MTSS1: variants seen among roughly 807,000 people sequenced by gnomAD.
MTSS1 encodes the protein protein MTSS 1.
MTSS1 carries 18 observed loss-of-function variants against 79.0 expected under a neutral mutation model. The ratio of observed to expected loss-of-function variants is 0.23; its 90% confidence interval spans 0.16 to 0.34. The LOEUF (loss-of-function observed/expected upper bound fraction) is 0.34. Among genes scored for constraint, MTSS1 ranks in the 10% least tolerant of loss-of-function variants. The pLI is 1.00. For missense variants in MTSS1, 815 were observed against 986.2 expected (o/e 0.83, Z 2.33); for synonymous variants, 341 against 368.6 (o/e 0.93, Z 0.86).
chr8:124,723,332 T>G (rs1196304735), intron 1 of MTSS1, among the ~76,000 whole-genome samples: 1 of 152,198 alleles, frequency 6.6e-6, no homozygotes, highest in East Asian at 1.9e-4. Context: ...AACTGGGCAA[T>G]GGCTGAACCA....
chr8:124,634,283 TTTGTTGTTGTTGTTG>T (rs1340783043), intron 3 of MTSS1, among the ~76,000 whole-genome samples: 2 of 150,702 alleles, frequency 1.3e-5, no homozygotes, highest in African/African-American at 4.9e-5. Flanking sequence ...CTAGTTTTTT[TTTGTTGTTGTTGTTG>T]TTTTGTAGTT....
intron 5 of MTSS1, 21 bp from the exon 6 acceptor site, chr8:124,585,182 G>A (rs768112780): frequency 6.3e-7 from 1 of 1,579,866 alleles, no homozygotes; most frequent in Non-Finnish European, 8.7e-7. Flanking sequence ...GCAGAATATG[G>A]AACAATTTTA....
At chr8:124,661,302 T>A (rs1821981037) in intron 3 of MTSS1, among the ~76,000 whole-genome samples, 1 of 151,842 alleles carries the variant, frequency 6.6e-6, no homozygotes, top group South Asian at 2.1e-4. Context: ...ATGTTAGACG[T>A]GTCCCTTTAT....
At chr8:124,671,773 A>T (rs1164476508) in intron 3 of MTSS1, among the ~76,000 whole-genome samples, 1 of 152,220 alleles carries the variant, frequency 6.6e-6, no homozygotes, top group Non-Finnish European at 1.5e-5. Flanking sequence ...TTAAGAACAC[A>T]GCATTCTGCC....
chr8:124,555,440 G>T (rs1823426285), intron 13 of MTSS1, among the ~76,000 whole-genome samples: 1 of 152,056 alleles, frequency 6.6e-6, no homozygotes, highest in Admixed American at 6.5e-5. Context: ...TAGAGATGGG[G>T]TTTCACCATG....
At chr8:124,691,795 C>T (rs919433254) in intron 3 of MTSS1, among the ~76,000 whole-genome samples, 4 of 152,094 alleles carry the variant, frequency 2.6e-5, no homozygotes, top group South Asian at 2.1e-4. Context: ...GGATTACAGG[C>T]GTGAGCCACC....
intron 3 of MTSS1, among the ~76,000 whole-genome samples, chr8:124,605,394 T>C (rs1834615714): frequency 6.6e-6 from 1 of 152,214 alleles, no homozygotes; most frequent in African/African-American, 2.4e-5. Context: ...GTCAGCCTTC[T>C]TGGGTTGTCA....
chr8:124,632,363 AT>A (rs1388374902), intron 3 of MTSS1, among the ~76,000 whole-genome samples: 4 of 150,960 alleles, frequency 2.6e-5, no homozygotes, highest in Non-Finnish European at 5.9e-5. Context: ...AAAAAATAAG[AT>A]GAGGCTGGGC....
chr8:124,573,837 G>T (rs1421636779), intron 6 of MTSS1, among the ~76,000 whole-genome samples: 1 of 152,112 alleles, frequency 6.6e-6, no homozygotes, highest in East Asian at 1.9e-4. Context: ...CAGGTCTTGT[G>T]TATTCACGCT....
chr8:124,634,170 T>G (rs1032260711), intron 3 of MTSS1, among the ~76,000 whole-genome samples: 1 of 151,686 alleles, frequency 6.6e-6, no homozygotes, highest in African/African-American at 2.4e-5. Context: ...GACAGTGATG[T>G]AATCATGGCT....
chr8:124,556,252 T>C lies in MTSS1; in HGVS notation c.1384A>G (p.Thr462Ala). 2 of 1,614,178 alleles carry C rather than the reference T, an allele frequency of 1.2e-6. No individual in the cohort carries two copies. Among genetic ancestry groups the C allele is most frequent in the Non-Finnish European group, 1.7e-6 (2 of 1,180,020 alleles). The stretch of plus-strand genomic sequence containing the variant: ...ATCACCCTGGTGGCAGCCGATACAG[T>C]CATGCTCCGTGGTCTCTGAGCCTCC... ...AEEAQRPRSM[T>A]VSAATRPGEE... is the part of the protein sequence containing the mutation. Residue 462 changes from threonine (T) to alanine (A), a missense_variant, in exon 12 of 14, where the codon ACT (threonine) becomes GCT (alanine). Thr to Ala is a moderately conservative substitution (Grantham distance 58). Around this residue, in one of 2 missense-constraint regions of MTSS1, gnomAD observed 590 missense variants for 620.8 expected, o/e 0.95. Coordinates refer to ENST00000518547, the MANE Select transcript of MTSS1 (RefSeq NM_014751.6).
intron 3 of MTSS1, among the ~76,000 whole-genome samples, chr8:124,661,286 A>C (rs1206357598): frequency 6.6e-6 from 1 of 151,924 alleles, no homozygotes; most frequent in Non-Finnish European, 1.5e-5. Flanking sequence ...CCCAGAAACA[A>C]CACCAATGTT....
In MTSS1 at chr8:124,726,426, T is replaced by C. The variant is rs527892346; in HGVS notation, c.72+1458A>G. Among the ~76,000 whole-genome samples the C allele has an allele frequency of 5.3e-5, 8 of 152,302 alleles. No individual in the cohort carries two copies. The South Asian group carries it at 6.2e-4, about 12-fold the overall frequency. On this transcript the variant is annotated intron_variant, in intron 1 of 13. Transcript: ENST00000518547. ...CTGTCTTTCAACAGGGAATAATCCATCTAATTCCAAGTGCCTGGACTATAA... is the reference window on the plus strand; with the variant it reads ...CTGTCTTTCAACAGGGAATAATCCACCTAATTCCAAGTGCCTGGACTATAA...
chr8:124,554,659 A>G (rs1473041207), intron 13 of MTSS1, among the ~76,000 whole-genome samples: 1 of 152,206 alleles, frequency 6.6e-6, no homozygotes, highest in African/African-American at 2.4e-5. Context: ...GAACTTGGGC[A>G]TTACACTCTA....
chr8:124,687,397 G>T (rs925392198), intron 3 of MTSS1, among the ~76,000 whole-genome samples: 2 of 152,078 alleles, frequency 1.3e-5, no homozygotes, highest in East Asian at 3.9e-4. Flanking sequence ...GGCTTAAATC[G>T]TATTATCCAA....
At chr8:124,640,068 T>TCCCC (rs1817740899) in intron 3 of MTSS1, among the ~76,000 whole-genome samples, 1 of 152,228 alleles carries the variant, frequency 6.6e-6, no homozygotes, top group Admixed American at 6.5e-5. Context: ...GCTGCAGTGC[T>TCCCC]GGACAGTTGT....
chr8:124,626,991 G>A (rs1814818018), intron 3 of MTSS1, among the ~76,000 whole-genome samples: 2 of 152,110 alleles, frequency 1.3e-5, no homozygotes, highest in Non-Finnish European at 2.9e-5. Flanking sequence ...GGTTGGACAC[G>A]AACCTGTCAC....
intron 6 of MTSS1, among the ~76,000 whole-genome samples, chr8:124,583,126 C>T (rs1445235919): frequency 6.6e-6 from 1 of 152,134 alleles, no homozygotes; most frequent in African/African-American, 2.4e-5. Flanking sequence ...GACCTAAGTC[C>T]ACCGTGTGGA....
chr8:124,585,231 G>C, intron 5 of MTSS1, 70 bp from the exon 6 acceptor site: 6 of 1,112,332 alleles, frequency 5.4e-6, no homozygotes, highest in African/African-American at 1.6e-5. Context: ...GTAGGAAACA[G>C]CCATTACATT....
Sources: gnomAD v4.1 joint callset for allele counts (sites outside exome capture counted in the v4.1 genomes callset) on GRCh38, gnomAD v4.1.1 for gene constraint, gnomAD v4.1.1 regional missense constraint, MANE v1.5 for transcripts, NCBI Gene and HGNC (gene_info 2026-07-23, HGNC 2026-07-21) for gene names.